Variants in RPSA2 observed in about 807,000 individuals in gnomAD.
RPSA2 encodes small ribosomal subunit protein uS2B.
chr19:23,827,579 G>A, the RPSA2 span: 6 of 1,589,216 alleles, frequency 3.8e-6, no homozygotes, highest in Non-Finnish European at 5.1e-6. Flanking sequence ...GGCATCTTAT[G>A]TTAACCTACC....
the RPSA2 span, chr19:23,827,049 C>T: frequency 2.9e-6 from 2 of 697,548 alleles, no homozygotes; most frequent in East Asian, 5.4e-5. Context: ...ATTTGCATTG[C>T]TTTTACCTAT....
chr19:23,843,021 A>G, the RPSA2 span, among the ~76,000 whole-genome samples: 4,399 of 152,322 alleles, frequency 0.029, 77 homozygotes, highest in Middle Eastern at 0.044. Context: ...GAAATGTAAA[A>G]TATGTTCTAA....
chr19:23,789,397 C>A, the RPSA2 span, among the ~76,000 whole-genome samples: 1 of 152,136 alleles, frequency 6.6e-6, no homozygotes, highest in Non-Finnish European at 1.5e-5. Context: ...CTGGTTCTTT[C>A]CTTCAAAAAA....
At chr19:23,773,687 A>G in the RPSA2 span, among the ~76,000 whole-genome samples, 1 of 152,202 alleles carries the variant, frequency 6.6e-6, no homozygotes, top group Non-Finnish European at 1.5e-5. Context: ...ACATAGAGGT[A>G]GTCAGAGGTG....
chr19:23,842,861 T>C, the RPSA2 span, among the ~76,000 whole-genome samples: 6 of 151,946 alleles, frequency 3.9e-5, no homozygotes, highest in Admixed American at 3.3e-4. Flanking sequence ...AACCATCCCC[T>C]TTTTTTTGAG....
chr19:23,869,316 A>T, the RPSA2 span, among the ~76,000 whole-genome samples: 151 of 152,336 alleles, frequency 9.9e-4, no homozygotes, highest in African/African-American at 3.2e-3. Context: ...TTACAACTGA[A>T]GCTCAAGCAT....
the RPSA2 span, among the ~76,000 whole-genome samples, chr19:23,863,296 G>T: frequency 1.3e-5 from 2 of 152,108 alleles, no homozygotes; most frequent in Non-Finnish European, 2.9e-5. Flanking sequence ...AACAGCAGTG[G>T]CACCCACCTG....
chr19:23,869,400 C>T, the RPSA2 span, among the ~76,000 whole-genome samples: 1 of 117,968 alleles, frequency 8.5e-6, no homozygotes, highest in Non-Finnish European at 1.8e-5. Flanking sequence ...TGCTAACCAA[C>T]CATGCCCGGC....
At chr19:23,784,694 CTG>C in the RPSA2 span, among the ~76,000 whole-genome samples, 1 of 152,184 alleles carries the variant, frequency 6.6e-6, no homozygotes, top group African/African-American at 2.4e-5. Flanking sequence ...ACAGTAAAGA[CTG>C]TCATTCTCCC....
At chr19:23,776,083 C>A in the RPSA2 span, among the ~76,000 whole-genome samples, 1 of 152,176 alleles carries the variant, frequency 6.6e-6, no homozygotes, top group African/African-American at 2.4e-5. Context: ...TGTAGTATAT[C>A]TCAGAGCCTT....
the RPSA2 span, among the ~76,000 whole-genome samples, chr19:23,843,463 C>A: frequency 1.3e-5 from 2 of 152,254 alleles, no homozygotes; most frequent in Non-Finnish European, 2.9e-5. Context: ...TCTTTATGGA[C>A]TCTACTTCCT....
the RPSA2 span, among the ~76,000 whole-genome samples, chr19:23,846,910 C>A: frequency 3.3e-5 from 5 of 152,108 alleles, no homozygotes; most frequent in Non-Finnish European, 1.5e-5. Context: ...AATTCTATTG[C>A]TAGAGTTGGG....
chr19:23,817,064 T>C, the RPSA2 span, among the ~76,000 whole-genome samples: 2 of 152,224 alleles, frequency 1.3e-5, no homozygotes, highest in African/African-American at 4.8e-5. Context: ...TATACCTCTA[T>C]GTTTTTCAGT....
At chr19:23,774,472 G>A in the RPSA2 span, among the ~76,000 whole-genome samples, 2 of 141,900 alleles carry the variant, frequency 1.4e-5, no homozygotes, top group Admixed American at 6.9e-5. Flanking sequence ...GACATATTAT[G>A]GAGCTCTACA....
At chr19:23,792,294 C>T in the RPSA2 span, among the ~76,000 whole-genome samples, 3 of 152,124 alleles carry the variant, frequency 2.0e-5, no homozygotes, top group Non-Finnish European at 4.4e-5. Context: ...GTTATTAAGG[C>T]CCAGTTCCTT....
At chr19:23,856,725 G>T in the RPSA2 span, among the ~76,000 whole-genome samples, 1 of 152,102 alleles carries the variant, frequency 6.6e-6, no homozygotes, top group African/African-American at 2.4e-5. Flanking sequence ...GAATTTTACA[G>T]CTGGGCCGCT....
the RPSA2 span, chr19:23,843,262 G>T: frequency 4.8e-6 from 1 of 206,302 alleles, no homozygotes; most frequent in Non-Finnish European, 1.0e-5. Flanking sequence ...ATGAGACAGT[G>T]GTCAAATACT....
the RPSA2 span, among the ~76,000 whole-genome samples, chr19:23,780,117 A>G: frequency 6.6e-6 from 1 of 152,162 alleles, no homozygotes; most frequent in South Asian, 2.1e-4. Flanking sequence ...GGCTTACAAA[A>G]AGGAGTAAAA....
At chr19:23,862,429 T>G in the RPSA2 span, among the ~76,000 whole-genome samples, 1 of 151,422 alleles carries the variant, frequency 6.6e-6, no homozygotes, top group Non-Finnish European at 1.5e-5. Context: ...ATAGGAGTGG[T>G]GAGAGAGGGC....
Sources: gnomAD v4.1 joint callset for allele counts (sites outside exome capture counted in the v4.1 genomes callset) on GRCh38, gnomAD v4.1.1 for gene constraint, MANE v1.5 for transcripts, NCBI Gene and HGNC (gene_info 2026-07-23, HGNC 2026-07-21) for gene names.